Variants in DNAH11 observed in about 807,000 individuals in gnomAD.
The protein encoded by DNAH11 is dynein axonemal heavy chain 11.
In DNAH11, 442 loss-of-function variants were observed where a neutral mutation model predicts 526.0. That is an observed-to-expected ratio of 0.84 (90% CI 0.78 to 0.91). The LOEUF (loss-of-function observed/expected upper bound fraction) is 0.91, where lower values mean the gene tolerates loss of function less well. DNAH11 is among the 40% of genes least tolerant of loss of function. The pLI is 0.00. For missense variants in DNAH11, 6,989 were observed against 5,448.7 expected (o/e 1.28, Z -8.90); for synonymous variants, 2,461 against 1,935.9 (o/e 1.27, Z -7.12).
chr7:21,623,995 TA>T (rs892247441), intron 25 of DNAH11, among the ~76,000 whole-genome samples: 28 of 149,432 alleles, frequency 1.9e-4, no homozygotes, highest in South Asian at 6.3e-4. Context: ...AAATAAAAAA[TA>T]AAAAAAAAGA....
rs752727033 is a variant in DNAH11 at position 21,601,190 on chromosome 7, A to G, written c.3425+11A>G. 14 of 1,580,958 alleles carry G rather than the reference A, an allele frequency of 8.9e-6. No homozygotes were observed. The East Asian group carries it at 9.0e-5, about 10-fold the overall frequency. On this transcript the variant is annotated intron_variant, in intron 17 of 81. Coordinates refer to ENST00000409508, the MANE Select transcript of DNAH11 (RefSeq NM_001277115.2). ...ATTTGTCATTGACAGGTAGCCTTTT[A>G]CTTTGGTTTTTGGAATTATAACTTT...
chr7:21,866,361 C>A, intron 70 of DNAH11, 109 bp from the exon 71 acceptor site: 4 of 964,654 alleles, frequency 4.1e-6, no homozygotes, highest in Admixed American at 2.9e-5. Context: ...AGAGTGAATA[C>A]TATCCAGCAC....
chr7:21,877,221 A>G (rs1004942297), intron 74 of DNAH11, among the ~76,000 whole-genome samples: 3 of 151,640 alleles, frequency 2.0e-5, no homozygotes, highest in Non-Finnish European at 4.4e-5. Context: ...ATCTAATTAA[A>G]CCTTTTTTTT....
intron 61 of DNAH11, among the ~76,000 whole-genome samples, chr7:21,790,527 T>C (rs1331742669): frequency 1.3e-5 from 2 of 152,228 alleles, no homozygotes; most frequent in African/African-American, 4.8e-5. Flanking sequence ...TTTACAAATA[T>C]GTAAACCACT....
chr7:21,654,160 A>G (rs1296327360), intron 28 of DNAH11, among the ~76,000 whole-genome samples: 1 of 152,128 alleles, frequency 6.6e-6, no homozygotes, highest in Non-Finnish European at 1.5e-5. Flanking sequence ...TACATTCACA[A>G]CCACCTTTTA....
At chr7:21,610,910 A>G (rs1021798124) in intron 20 of DNAH11, among the ~76,000 whole-genome samples, 22 of 152,260 alleles carry the variant, frequency 1.4e-4, no homozygotes, top group African/African-American at 4.8e-4. Context: ...ACTTCCTGGA[A>G]GAGAGAATGA....
rs62441683 is a variant in DNAH11, at chr7:21,588,624, C to G, written c.1961C>G (p.Ser654Cys). ...RLQMFWSNFA[S>C]LRYLFLGNPD... is the part of the protein sequence containing the mutation. ...CAAATGTTTTGGTCAAACTTCGCAT[C>G]TCTCCGTTATCTGTAAGTAGTTAAG... Residue 654 changes from serine to cysteine, a missense_variant, in exon 11 of 82, where the codon TCT (serine) becomes TGT (cysteine). Coordinates refer to ENST00000409508, the MANE Select transcript of DNAH11 (RefSeq NM_001277115.2). 0.15 allele frequency: 238,278 copies of G among 1,609,436 alleles called. 19,431 individuals are homozygous for G. The highest frequency in any genetic ancestry group is 0.19 in the Middle Eastern group (1,127 of 6,048).
chr7:21,783,586 C>T (rs1269759394), intron 57 of DNAH11, among the ~76,000 whole-genome samples: 2 of 152,198 alleles, frequency 1.3e-5, no homozygotes, highest in African/African-American at 4.8e-5. Context: ...AAAATTCACT[C>T]TTCCTGGCCT....
At chr7:21,693,938 C>T (rs1198090858) in intron 35 of DNAH11, among the ~76,000 whole-genome samples, 1 of 152,130 alleles carries the variant, frequency 6.6e-6, no homozygotes, top group Admixed American at 6.5e-5. Context: ...CAAGGTGGAC[C>T]AGGAGAGAGA....
intron 35 of DNAH11, among the ~76,000 whole-genome samples, 188 bp from the exon 36 acceptor site, chr7:21,697,887 T>G (rs1233460078): frequency 6.6e-6 from 1 of 152,196 alleles, no homozygotes; most frequent in African/African-American, 2.4e-5. Flanking sequence ...CTATCATTTT[T>G]TGTGTCCAGT....
intron 20 of DNAH11, among the ~76,000 whole-genome samples, chr7:21,610,733 G>C (rs554483788): frequency 2.6e-5 from 4 of 152,042 alleles, no homozygotes; most frequent in Non-Finnish European, 4.4e-5. Flanking sequence ...CAACTCAGCA[G>C]ATGGGTTAAA....
intron 9 of DNAH11, among the ~76,000 whole-genome samples, chr7:21,584,230 A>G (rs112481849): frequency 0.062 from 9,377 of 152,280 alleles, 940 homozygotes; most frequent in African/African-American, 0.21. Flanking sequence ...CATGTACACC[A>G]TGGAATACTA....
chr7:21,602,797 G>C (rs950402800), intron 18 of DNAH11, among the ~76,000 whole-genome samples: 1 of 152,018 alleles, frequency 6.6e-6, no homozygotes, highest in African/African-American at 2.4e-5. Context: ...CTTACTTTTT[G>C]CTAAAATATG....
intron 40 of DNAH11, among the ~76,000 whole-genome samples, chr7:21,709,633 T>C (rs1295632144): frequency 1.3e-5 from 2 of 152,206 alleles, no homozygotes; most frequent in African/African-American, 4.8e-5. Flanking sequence ...CATCATTCTC[T>C]ATCCTCTCGT....
chr7:21,677,890 A>G (rs549626684), intron 30 of DNAH11, among the ~76,000 whole-genome samples: 3 of 152,316 alleles, frequency 2.0e-5, no homozygotes, highest in Admixed American at 1.3e-4. Context: ...GAAAATGTCT[A>G]TTCTGGTCCT....
At chr7:21,811,865 T>G (rs1327627198) in intron 63 of DNAH11, among the ~76,000 whole-genome samples, 1 of 152,128 alleles carries the variant, frequency 6.6e-6, no homozygotes, top group East Asian at 1.9e-4. Flanking sequence ...TACAGGAATT[T>G]TAGGTTTCAA....
At chr7:21,755,457 C>T (rs1464332695) in intron 54 of DNAH11, among the ~76,000 whole-genome samples, 2 of 151,988 alleles carry the variant, frequency 1.3e-5, no homozygotes, top group Non-Finnish European at 2.9e-5. Flanking sequence ...ATGTAGCAGC[C>T]CCTGATTCCA....
intron 28 of DNAH11, among the ~76,000 whole-genome samples, chr7:21,639,439 C>T (rs1457621943): frequency 1.3e-5 from 2 of 152,112 alleles, no homozygotes; most frequent in African/African-American, 2.4e-5. Context: ...ATAGCTGGTA[C>T]CTTCTTACTC....
chr7:21,865,588 C>G (rs1783243417), intron 70 of DNAH11, among the ~76,000 whole-genome samples: 1 of 152,158 alleles, frequency 6.6e-6, no homozygotes, highest in Admixed American at 6.5e-5. Flanking sequence ...CTTAGAGGAT[C>G]TGTGGCCTGT....
Sources: allele counts gnomAD v4.1 joint callset (sites outside exome capture counted in the v4.1 genomes callset), GRCh38; gene constraint gnomAD v4.1.1; transcripts MANE v1.5; gene names NCBI Gene and HGNC (gene_info 2026-07-23, HGNC 2026-07-21).